The following UGGT1 variants were observed in gnomAD, a reference collection of about 807,000 sequenced individuals.
The protein encoded by UGGT1 is UDP-glucose:glycoprotein glucosyltransferase 1.
Under a neutral mutation model 203.9 loss-of-function variants are expected in UGGT1, and 107 were observed. That is an observed-to-expected ratio of 0.52 (90% CI 0.45 to 0.62). UGGT1 has a LOEUF of 0.62. UGGT1 is among the 20% of genes least tolerant of loss of function. The probability of loss-of-function intolerance (pLI) is 0.00; values close to 1 mark genes in which losing one functional copy is unlikely to be tolerated. For synonymous variants in UGGT1, 628 were observed against 653.5 expected (o/e 0.96, Z 0.59); for missense variants, 1,673 against 1,867.2 (o/e 0.90, Z 1.92).
intron 2 of UGGT1, among the ~76,000 whole-genome samples, chr2:128,100,034 T>G (rs71396509): frequency 6.0e-5 from 1 of 16,570 alleles, no homozygotes. Flanking sequence ...CCCCCCACCC[T>G]ACTTATTTTT....
chr2:128,103,720 A>G (rs4531877), intron 2 of UGGT1, among the ~76,000 whole-genome samples: 140,232 of 151,484 alleles, frequency 0.93, 65,463 homozygotes, highest in East Asian at 0.99. Flanking sequence ...AAGTGAAAAA[A>G]TTCATAGGCT....
At chr2:128,123,415 G>A (rs1310066177) in intron 11 of UGGT1, among the ~76,000 whole-genome samples, 169 bp downstream of exon 11, 1 of 152,094 alleles carries the variant, frequency 6.6e-6, no homozygotes, top group African/African-American at 2.4e-5. Flanking sequence ...AGTTCAGTAT[G>A]CACATAACTG....
At chr2:128,136,480 T>A (rs1464923501) in intron 15 of UGGT1, among the ~76,000 whole-genome samples, 1 of 152,216 alleles carries the variant, frequency 6.6e-6, no homozygotes, top group Non-Finnish European at 1.5e-5. Context: ...CTATTCAGAT[T>A]GGTGTCTTTC....
At chr2:128,141,013 G>A (rs546498568) in intron 16 of UGGT1, among the ~76,000 whole-genome samples, 1 of 150,934 alleles carries the variant, frequency 6.6e-6, no homozygotes, top group South Asian at 2.2e-4. Context: ...CAGAAGTGAA[G>A]TAATACTGCT....
chr2:128,106,654 C>T (rs1293345274), intron 3 of UGGT1, among the ~76,000 whole-genome samples: 8 of 152,094 alleles, frequency 5.3e-5, no homozygotes, highest in African/African-American at 1.2e-4. Context: ...CTCTGCCTCC[C>T]GGATTCAAGT....
At chr2:128,178,262 C>T (rs1297574639) in intron 33 of UGGT1, among the ~76,000 whole-genome samples, 1 of 152,212 alleles carries the variant, frequency 6.6e-6, no homozygotes, top group South Asian at 2.1e-4. Flanking sequence ...TAAAACAACA[C>T]TGTCGGAGAG....
At chr2:128,139,593 G>C (rs757809658) in intron 16 of UGGT1, among the ~76,000 whole-genome samples, 2 of 152,260 alleles carry the variant, frequency 1.3e-5, no homozygotes, top group Admixed American at 6.5e-5. Flanking sequence ...GCAGTATTCT[G>C]AGGCTTGTAA....
rs1310560173 is a variant in UGGT1, at chr2:128,194,778, A to C, written c.*5036A>C. ...TTAACTGATTGAATTCAAGCAAATG[A>C]GACATCATGAACTTCAGTGGTTATT... On this transcript the variant is annotated 3_prime_UTR_variant, in exon 41 of 41. Transcript: ENST00000259253. The C allele has an allele frequency of 1.3e-5, 2 of 152,188 alleles. No individual in the cohort carries two copies. Among genetic ancestry groups the C allele is most frequent in the African/African-American group, 4.8e-5 (2 of 41,442 alleles). The allele number at this position is 152,188 out of a possible 1,614,324, so 9.4% of individuals were successfully genotyped here. A position where few individuals can be genotyped will look rare whatever the true frequency, so the allele number is the denominator to read the frequency against.
At chr2:128,151,620 T>C (rs1334641711) in intron 18 of UGGT1, among the ~76,000 whole-genome samples, 2 of 152,190 alleles carry the variant, frequency 1.3e-5, no homozygotes, top group Non-Finnish European at 2.9e-5. Flanking sequence ...ATCTTGAAAA[T>C]GACTTCAGGT....
At chr2:128,176,311 C>T (rs1691367252) in intron 31 of UGGT1, among the ~76,000 whole-genome samples, 1 of 148,948 alleles carries the variant, frequency 6.7e-6, no homozygotes, top group African/African-American at 2.5e-5. Context: ...TACCTGAAGG[C>T]TGAAGCAGGA....
intron 1 of UGGT1, among the ~76,000 whole-genome samples, chr2:128,096,614 G>A (rs1687128218): frequency 6.6e-6 from 1 of 152,080 alleles, no homozygotes; most frequent in Non-Finnish European, 1.5e-5. Context: ...CAGTCATTGG[G>A]TTAGTGCCCA....
chr2:128,096,810 G>A (rs1168426637), intron 1 of UGGT1, among the ~76,000 whole-genome samples: 1 of 152,066 alleles, frequency 6.6e-6, no homozygotes, highest in Non-Finnish European at 1.5e-5. Flanking sequence ...ATAAAATATG[G>A]TTGTGTGCAA....
chr2:128,183,907 ATGG>A, intron 38 of UGGT1, 118 bp downstream of exon 38: 1 of 462,372 alleles, frequency 2.2e-6, no homozygotes, highest in Middle Eastern at 4.0e-4. Flanking sequence ...TTGTTTTTTC[ATGG>A]TGTGTGTGTG....
rs561675714 is a variant in UGGT1, at chr2:128,114,625, G to C, written c.697-499G>C. 4.6e-5 allele frequency among the ~76,000 whole-genome samples: 7 copies of C among 152,184 alleles called. No homozygotes were observed. In the South Asian group the frequency reaches 1.5e-3, roughly 32 times the overall value. ...ATTTAATAAAAAGCATACTCCCATG[G>C]GCCTCAAAAAACACCTCTGGGACTG... is the stretch of plus-strand genomic sequence containing the variant. On this transcript the variant is annotated intron_variant, in intron 6 of 40. Transcript: ENST00000259253.
At chr2:128,135,894 A>C (rs1052480251) in intron 15 of UGGT1, among the ~76,000 whole-genome samples, 2 of 152,276 alleles carry the variant, frequency 1.3e-5, no homozygotes, top group African/African-American at 4.8e-5. Context: ...CATTTTTCAT[A>C]TAAAGCATGA....
At chr2:128,138,583 T>C (rs1301215148) in intron 15 of UGGT1, 134 bp from the exon 16 acceptor site, 7 of 1,001,706 alleles carry the variant, frequency 7.0e-6, no homozygotes, top group Non-Finnish European at 1.0e-5. Context: ...TAGAGTAGGC[T>C]GTGAACTGTG....
At chr2:128,109,173 T>C (rs1390169110) in intron 4 of UGGT1, among the ~76,000 whole-genome samples, 1 of 151,914 alleles carries the variant, frequency 6.6e-6, no homozygotes, top group Non-Finnish European at 1.5e-5. Flanking sequence ...ATTACAGGCA[T>C]GAGCCACTGT....
rs544708741 is a variant in UGGT1 at position 128,097,404 on chromosome 2, ACTT to A, written c.59-21_59-19del. ...AAAAAAAAAATTTCCTTGTAGCAAAACTTCTTTTCTTTTTTTCCTTTTAGGAGT... is the reference window on the plus strand; with the variant it reads ...AAAAAAAAAATTTCCTTGTAGCAAAACTTTTCTTTTTTTCCTTTTAGGAGT... On this transcript the variant is annotated intron_variant, in intron 1 of 40. Transcript: ENST00000259253. 2.7e-4 allele frequency: 428 copies of A among 1,585,562 alleles called. No individual in the cohort carries two copies. In the African/African-American group the frequency reaches 3.6e-3, roughly 13 times the overall value.
intron 3 of UGGT1, among the ~76,000 whole-genome samples, chr2:128,106,868 A>G (rs572345274): frequency 1.3e-5 from 2 of 152,188 alleles, no homozygotes; most frequent in Non-Finnish European, 2.9e-5. Flanking sequence ...TTTTTTTTAA[A>G]AAGAGACGCA....
Sources: gnomAD v4.1 joint callset for allele counts (sites outside exome capture counted in the v4.1 genomes callset) on GRCh38, gnomAD v4.1.1 for gene constraint, MANE v1.5 for transcripts, NCBI Gene and HGNC (gene_info 2026-07-23, HGNC 2026-07-21) for gene names.